Variants in ABCG2 observed in about 807,000 individuals in gnomAD.
ABCG2 encodes the protein ATP binding cassette subfamily G member 2 (JR blood group).
A neutral mutation model predicts 73.5 loss-of-function variants in ABCG2; 80 were observed. That is an observed-to-expected ratio of 1.09 (90% confidence interval 0.91 to 1.31). ABCG2 has a LOEUF of 1.31. Among genes scored for constraint, ABCG2 ranks in the 50% most tolerant of loss-of-function variants. The pLI is 0.00. For missense variants in ABCG2, 796 were observed against 786.2 expected (o/e 1.01, Z -0.15); for synonymous variants, 269 against 282.4 (o/e 0.95, Z 0.48).
chr4:88,221,804 A>G (rs1730022380), intron 1 of ABCG2, among the ~76,000 whole-genome samples: 1 of 152,234 alleles, frequency 6.6e-6, no homozygotes, highest in South Asian at 2.1e-4. Context: ...GAAGCAGAGC[A>G]TAAAAGTTTG....
At chr4:88,211,358 G>GCCCCCCC (rs1264405228) in intron 1 of ABCG2, among the ~76,000 whole-genome samples, 2 of 33,672 alleles carry the variant, frequency 5.9e-5, no homozygotes, top group Non-Finnish European at 1.1e-4. Flanking sequence ...TTCAACCCCT[G>GCCCCCCC]CCCCACCCCC....
intron 2 of ABCG2, among the ~76,000 whole-genome samples, chr4:88,132,855 G>C (rs774056866): frequency 1.3e-5 from 2 of 152,028 alleles, no homozygotes; most frequent in African/African-American, 2.4e-5. Context: ...GATTGCCTGA[G>C]GCCAGGAGTT....
chr4:88,120,759 T>G (rs1723912952), intron 6 of ABCG2, among the ~76,000 whole-genome samples: 1 of 152,260 alleles, frequency 6.6e-6, no homozygotes, highest in African/African-American at 2.4e-5. Flanking sequence ...CTGTCTCAGA[T>G]GAGACTTTAG....
At chr4:88,210,281 C>A (rs1267686399) in intron 1 of ABCG2, among the ~76,000 whole-genome samples, 1 of 152,128 alleles carries the variant, frequency 6.6e-6, no homozygotes, top group Non-Finnish European at 1.5e-5. Flanking sequence ...ACTGGAACTC[C>A]TGAGCTCAAG....
At chr4:88,221,199 G>A (rs1387890976) in intron 1 of ABCG2, among the ~76,000 whole-genome samples, 2 of 152,074 alleles carry the variant, frequency 1.3e-5, no homozygotes, top group African/African-American at 2.4e-5. Flanking sequence ...AACCTGGGAG[G>A]CAGAGGTTGT....
At chr4:88,139,532 C>T (rs1361315444) in intron 2 of ABCG2, among the ~76,000 whole-genome samples, 5 of 152,212 alleles carry the variant, frequency 3.3e-5, no homozygotes, top group African/African-American at 1.2e-4. Flanking sequence ...GGATTACAGG[C>T]ATGAGCCACC....
intron 1 of ABCG2, among the ~76,000 whole-genome samples, chr4:88,166,671 T>A (rs1211561215): frequency 6.6e-6 from 1 of 152,176 alleles, no homozygotes; most frequent in Non-Finnish European, 1.5e-5. Flanking sequence ...GGGCATGGCT[T>A]TCTCATTCAC....
At chr4:88,160,834 G>A (rs1452184853), upstream of ABCG2, among the ~76,000 whole-genome samples, 12 of 134,816 alleles carry the variant, frequency 8.9e-5, no homozygotes, top group African/African-American at 3.1e-4. Context: ...GGGTGACAAC[G>A]TGAGACTCCA....
intron 1 of ABCG2, among the ~76,000 whole-genome samples, chr4:88,147,016 G>GGAAAGAAAGAAAGAAAGAAAGAAAGAAA (rs58050208): frequency 0.084 from 10,469 of 124,962 alleles, 694 homozygotes; most frequent in African/African-American, 0.13. Flanking sequence ...AGAAAGAAAA[G>GGAAAGAAAGAAAGAAAGAAAGAAAGAAA]GAAAGAAAGA....
At chr4:88,114,932 C>A (rs1348349837) in intron 8 of ABCG2, 25 bp downstream of exon 8, 1 of 1,540,162 alleles carries the variant, frequency 6.5e-7, no homozygotes, top group African/African-American at 1.4e-5. Flanking sequence ...AGGCAAAAAT[C>A]TGGGACTGTA....
At chr4:88,191,498 A>T (rs79000748) in intron 1 of ABCG2, among the ~76,000 whole-genome samples, 6,936 of 152,166 alleles carry the variant, frequency 0.046, 210 homozygotes, top group South Asian at 0.073. Flanking sequence ...ATCTTCATAC[A>T]TTGCTGGTAG....
intron 2 of ABCG2, among the ~76,000 whole-genome samples, chr4:88,136,644 T>A (rs2110049581): frequency 6.6e-6 from 1 of 152,330 alleles, no homozygotes; most frequent in African/African-American, 2.4e-5. Context: ...AGATTGAGGC[T>A]GCAGTGAGCT....
At chr4:88,203,669 G>A (rs1376101516) in intron 1 of ABCG2, among the ~76,000 whole-genome samples, 7 of 150,630 alleles carry the variant, frequency 4.6e-5, no homozygotes, top group Non-Finnish European at 7.4e-5. Context: ...CAGGAGAATC[G>A]CTTGAACCCA....
chr4:88,189,538 T>TA (rs1162168595), intron 1 of ABCG2, among the ~76,000 whole-genome samples: 1 of 151,350 alleles, frequency 6.6e-6, no homozygotes, highest in Admixed American at 6.6e-5. Flanking sequence ...AATAAATAAA[T>TA]AAATAAATAA....
rs1297452206 is a variant in ABCG2, at chr4:88,178,940, T to C, written c.-19-38926A>G. On this transcript the variant is annotated intron_variant, in intron 1 of 15. Coordinates refer to the ABCG2 transcript ENST00000515655. ...TGCAGTCCCTGGCTCCCAGATGACA[T>C]CTGTGGACCTGCCCAGGACAGGGAG... Among the ~76,000 whole-genome samples the C allele has an allele frequency of 3.3e-5, 5 of 152,134 alleles. No individual in the cohort carries two copies. The East Asian group carries it at 9.6e-4, about 29-fold the overall frequency.
At chr4:88,215,950 T>C (rs1729795146) in intron 1 of ABCG2, among the ~76,000 whole-genome samples, 2 of 152,242 alleles carry the variant, frequency 1.3e-5, no homozygotes, top group South Asian at 4.1e-4. Flanking sequence ...TGAATCTTCC[T>C]TCAAACCAGT....
intron 1 of ABCG2, among the ~76,000 whole-genome samples, chr4:88,145,732 GA>G (rs1157880240): frequency 2.0e-5 from 3 of 152,148 alleles, no homozygotes; most frequent in African/African-American, 7.2e-5. Context: ...TTGAGGTCAG[GA>G]GTTCAAGACC....
Position 88,092,134 on chromosome 4 carries a change from T to C in ABCG2, c.*100A>G. On this transcript the variant is annotated 3_prime_UTR_variant, in exon 16 of 16. Coordinates refer to ENST00000237612, the MANE Select transcript of ABCG2 (RefSeq NM_004827.3). ...CAATTGCTGCTGTGCAACAGTGTGA[T>C]GGCAAGGGAACAGAAAACAACAAAA... The C allele has an allele frequency of 4.6e-6, 5 of 1,085,030 alleles. No individual in the cohort carries two copies. 67.2% of individuals were successfully genotyped at this position (1,085,030 alleles called of 1,614,324 possible).
chr4:88,211,249 G>A (rs1277951202), intron 1 of ABCG2, among the ~76,000 whole-genome samples: 2 of 151,470 alleles, frequency 1.3e-5, no homozygotes, highest in Non-Finnish European at 2.9e-5. Context: ...AGGGTTGCAC[G>A]TGCTTGTTTG....
Sources: allele counts gnomAD v4.1 joint callset (sites outside exome capture counted in the v4.1 genomes callset), GRCh38; gene constraint gnomAD v4.1.1; transcripts MANE v1.5; gene names NCBI Gene and HGNC (gene_info 2026-07-23, HGNC 2026-07-21).